ATG7: variants seen among roughly 807,000 people sequenced by gnomAD.
ATG7 encodes autophagy related 7, also known as ubiquitin-like modifier-activating enzyme ATG7.
Under a neutral mutation model 82.4 loss-of-function variants are expected in ATG7, and 70 were observed. That is an observed-to-expected ratio of 0.85 (90% CI 0.70 to 1.04). ATG7 has a LOEUF of 1.04. Ranked by LOEUF, ATG7 falls within the 50% of genes least tolerant of loss-of-function variation. The pLI is 0.00. For missense variants in ATG7, 792 were observed against 864.3 expected, an observed-to-expected ratio of 0.92 and a Z score of 1.05; for synonymous variants, 287 against 313.0, an observed-to-expected ratio of 0.92 and a Z score of 0.88.
At chr3:11,395,971 G>C (rs1256748142) in intron 19 of ATG7, among the ~76,000 whole-genome samples, 2 of 144,104 alleles carry the variant, frequency 1.4e-5, no homozygotes, top group Non-Finnish European at 1.5e-5. Flanking sequence ...AAAAAGGTAG[G>C]GGGGGAAGAG....
chr3:11,301,695 A>G (rs920932387), intron 5 of ATG7, among the ~76,000 whole-genome samples: 3 of 152,192 alleles, frequency 2.0e-5, no homozygotes, highest in African/African-American at 7.2e-5. Flanking sequence ...TTTTGGAGCC[A>G]GTAAGATATG....
At chr3:11,342,083 C>T (rs1953731626) in intron 12 of ATG7, 52 bp from the exon 13 acceptor site, 3 of 1,521,170 alleles carry the variant, frequency 2.0e-6, no homozygotes, top group Non-Finnish European at 2.7e-6. Flanking sequence ...TCTTTCAGAA[C>T]AAGATTATTG....
At chr3:11,559,594 AGTCCT>A, downstream of ATG7, 1 of 1,301,612 alleles carries the variant, frequency 7.7e-7, no homozygotes, top group Non-Finnish European at 1.0e-6. Context: ...TCAATACTGG[AGTCCT>A]GTTGCTAAAC....
intron 15 of ATG7, among the ~76,000 whole-genome samples, chr3:11,358,896 T>G (rs146004739): frequency 6.6e-6 from 1 of 152,364 alleles, no homozygotes; most frequent in Non-Finnish European, 1.5e-5. Context: ...GGACAGAGAC[T>G]TGGTCTTATT....
At chr3:11,554,278 G>A (rs1017897521) in intron 20 of ATG7, among the ~76,000 whole-genome samples, 21 of 152,250 alleles carry the variant, frequency 1.4e-4, no homozygotes, top group Non-Finnish European at 1.9e-4. Flanking sequence ...CTGGCTGGTG[G>A]GGAGGGCTTG....
chr3:11,315,060 C>G (rs1032220400), intron 8 of ATG7, among the ~76,000 whole-genome samples: 2 of 152,138 alleles, frequency 1.3e-5, no homozygotes, highest in Non-Finnish European at 2.9e-5. Context: ...AAGAATGTTT[C>G]GTTACCGCTC....
chr3:11,288,171 A>T (rs1381492337), intron 3 of ATG7, among the ~76,000 whole-genome samples: 1 of 152,226 alleles, frequency 6.6e-6, no homozygotes, highest in Non-Finnish European at 1.5e-5. Flanking sequence ...TTACGTGGCA[A>T]ATAATCATCC....
intron 18 of ATG7, among the ~76,000 whole-genome samples, chr3:11,371,744 C>T (rs2077009393): frequency 6.6e-6 from 1 of 151,134 alleles, no homozygotes. Flanking sequence ...GGACAAAGTA[C>T]TTAAGTCCTT....
chr3:11,435,227 A>T (rs2083266657), intron 20 of ATG7, among the ~76,000 whole-genome samples: 1 of 152,164 alleles, frequency 6.6e-6, no homozygotes, highest in Admixed American at 6.5e-5. Context: ...AGATTTTGAG[A>T]TTTACATCTA....
intron 20 of ATG7, among the ~76,000 whole-genome samples, chr3:11,502,764 T>C (rs1046214018): frequency 9.2e-5 from 14 of 152,128 alleles, no homozygotes; most frequent in South Asian, 4.1e-4. Context: ...TTTGGGACTA[T>C]AGATGCATCT....
intron 20 of ATG7, among the ~76,000 whole-genome samples, chr3:11,491,765 C>T (rs892321996): frequency 2.0e-5 from 3 of 152,172 alleles, no homozygotes; most frequent in African/African-American, 7.2e-5. Context: ...TGGGTACTAG[C>T]AGCGGTGTCT....
chr3:11,496,634 T>G (rs771538442), intron 20 of ATG7, among the ~76,000 whole-genome samples: 1 of 152,160 alleles, frequency 6.6e-6, no homozygotes, highest in Non-Finnish European at 1.5e-5. Flanking sequence ...CATGAAACCT[T>G]GACATTTAAT....
Position 11,299,351 on chromosome 3 carries a change from C to A in ATG7, c.161-11C>A. On this transcript the variant is annotated splice_polypyrimidine_tract_variant and intron_variant, in intron 4 of 20. Transcript: ENST00000693202. ...ACTTGTCATTGAAAATGTGATAATG[C>A]TTCTGTCCAGGTGACTCTGCTGGGC... is the stretch of plus-strand genomic sequence containing the variant. 6.2e-7 allele frequency: 1 copy of A among 1,606,636 alleles called. No individual in the cohort carries two copies. The highest frequency in any genetic ancestry group is 8.5e-7 in the Non-Finnish European group (1 of 1,173,292).
At chr3:11,409,085 G>A (rs551872833) in intron 19 of ATG7, among the ~76,000 whole-genome samples, 29 of 152,096 alleles carry the variant, frequency 1.9e-4, no homozygotes, top group South Asian at 6.2e-4. Context: ...ATAGTTTCTC[G>A]TGGCCTGCAG....
downstream of ATG7, among the ~76,000 whole-genome samples, chr3:11,560,461 G>GT (rs2072881906): frequency 1.3e-5 from 2 of 152,154 alleles, no homozygotes; most frequent in South Asian, 4.1e-4. Context: ...TCAGCCAGAG[G>GT]GACGCTGGGC....
chr3:11,560,576 T>A (rs111997547), downstream of ATG7, among the ~76,000 whole-genome samples: 193 of 152,152 alleles, frequency 1.3e-3, 1 homozygote, highest in African/African-American at 4.3e-3. Flanking sequence ...CGACAGTGAT[T>A]GGGAATGGTG....
chr3:11,320,444 C>T (rs1480775547), intron 9 of ATG7, among the ~76,000 whole-genome samples: 10 of 152,114 alleles, frequency 6.6e-5, no homozygotes, highest in African/African-American at 2.4e-4. Context: ...TACGCCACCA[C>T]ACCTGGCTAA....
intron 20 of ATG7, among the ~76,000 whole-genome samples, chr3:11,481,958 G>GT (rs1266419209): frequency 8.5e-5 from 13 of 152,210 alleles, no homozygotes; most frequent in Non-Finnish European, 1.8e-4. Context: ...CTAGCAGGTG[G>GT]TAAGTCAGTG....
rs5846700 is a variant in ATG7 at position 11,286,583 on chromosome 3, CTTTTTTTTTTTTTTTT to C, written c.-11+4155_-11+4170del. Among the ~76,000 whole-genome samples, 242 of 67,002 alleles carry C rather than the reference CTTTTTTTTTTTTTTTT, an allele frequency of 3.6e-3. 3 individuals carry two copies. Among genetic ancestry groups the C allele is most frequent in the African/African-American group, 0.015 (220 of 14,654 alleles). 44.0% of individuals were successfully genotyped at this position (67,002 alleles called of 152,430 possible). A position where few individuals can be genotyped will look rare whatever the true frequency, so the allele number is the denominator to read the frequency against. On this transcript the variant is annotated intron_variant, in intron 3 of 20. Coordinates refer to ENST00000693202, the MANE Select transcript of ATG7 (RefSeq NM_001349232.2). Reference sequence around the variant, plus strand: ...TGTCTTTTCTTTTCTTTCTTTCTTTCTTTTTTTTTTTTTTTTTTTTTTTTTGAGACAGGGTCTGGCT... The same window carrying C: ...TGTCTTTTCTTTTCTTTCTTTCTTTCTTTTTTTTTGAGACAGGGTCTGGCT...
Sources: gnomAD v4.1 joint callset for allele counts (sites outside exome capture counted in the v4.1 genomes callset) on GRCh38, gnomAD v4.1.1 for gene constraint, MANE v1.5 for transcripts, NCBI Gene and HGNC (gene_info 2026-07-23, HGNC 2026-07-21) for gene names.